The following THSD7B variants were observed in gnomAD, a reference collection of about 807,000 sequenced individuals.
THSD7B encodes the protein thrombospondin type-1 domain-containing protein 7B.
THSD7B carries 138 observed loss-of-function variants against 213.6 expected under a neutral mutation model. The observed-to-expected ratio is 0.65, with a 90% confidence interval of 0.56 to 0.74. The LOEUF is 0.74. Among genes scored for constraint, THSD7B ranks in the 30% least tolerant of loss-of-function variants. The pLI, the probability that THSD7B is intolerant of heterozygous loss-of-function variation, is 0.00. For missense variants in THSD7B, 1,931 were observed against 1,991.5 expected, an observed-to-expected ratio of 0.97 and a Z score of 0.58; for synonymous variants, 742 against 687.0, an observed-to-expected ratio of 1.08 and a Z score of -1.25.
chr2:136,976,714 C>T (rs529494793), intron 2 of THSD7B, among the ~76,000 whole-genome samples: 1 of 152,104 alleles, frequency 6.6e-6, no homozygotes, highest in African/African-American at 2.4e-5. Context: ...CTCCGCCTCC[C>T]AGGTTCACGC....
At chr2:137,148,316 A>T (rs1961892) in intron 5 of THSD7B, among the ~76,000 whole-genome samples, 113,873 of 151,972 alleles carry the variant, frequency 0.75, 42,836 homozygotes, top group African/African-American at 0.77. Context: ...CCTCTTTCCT[A>T]TATAAATTAC....
At chr2:136,864,165 A>C (rs139824822) in intron 1 of THSD7B, among the ~76,000 whole-genome samples, 47 of 152,346 alleles carry the variant, frequency 3.1e-4, no homozygotes, top group Middle Eastern at 3.4e-3. Flanking sequence ...AAATCCACAC[A>C]GTTCAGTGAA....
intron 24 of THSD7B, among the ~76,000 whole-genome samples, chr2:137,658,511 T>C (rs760698542): frequency 1.3e-5 from 2 of 152,210 alleles, no homozygotes; most frequent in Non-Finnish European, 2.9e-5. Context: ...TTTTCTTTCC[T>C]ATTCCCAAGA....
At chr2:137,317,505 T>C (rs930160289) in intron 12 of THSD7B, among the ~76,000 whole-genome samples, 1 of 152,200 alleles carries the variant, frequency 6.6e-6, no homozygotes, top group African/African-American at 2.4e-5. Flanking sequence ...TCTAATCAAA[T>C]TATCTTATAG....
At chr2:137,333,216 G>A (rs950925875) in intron 12 of THSD7B, among the ~76,000 whole-genome samples, 5 of 152,076 alleles carry the variant, frequency 3.3e-5, no homozygotes, top group African/African-American at 1.2e-4. Flanking sequence ...AGCAGGTTCC[G>A]ATACATCTAC....
chr2:137,364,903 A>T (rs548446184), intron 12 of THSD7B, among the ~76,000 whole-genome samples: 2 of 152,334 alleles, frequency 1.3e-5, no homozygotes, highest in Admixed American at 6.5e-5. Flanking sequence ...TAAAGTTCAC[A>T]TGGAACCAAA....
chr2:137,178,465 TAAG>T (rs1026996747), intron 7 of THSD7B, among the ~76,000 whole-genome samples: 3 of 152,224 alleles, frequency 2.0e-5, no homozygotes, highest in African/African-American at 7.2e-5. Context: ...GAAGTGTCAA[TAAG>T]ATCAGGCTGT....
intron 2 of THSD7B, among the ~76,000 whole-genome samples, chr2:136,980,391 A>G (rs1302948503): frequency 6.6e-6 from 1 of 152,174 alleles, no homozygotes; most frequent in East Asian, 1.9e-4. Context: ...CCCCCTCCCA[A>G]CAGGGGCTCC....
In THSD7B at chr2:137,528,031, T is replaced by G. The variant is rs1473017172; in HGVS notation, c.3139-35190T>G. ...TGCTTCAATCAGCTGGGCTTGAGTT[T>G]TTGTCACTTACAATAGAAATAACAT... On this transcript the variant is annotated intron_variant, in intron 15 of 27. Transcript: ENST00000409968. Among the ~76,000 whole-genome samples the G allele has an allele frequency of 2.0e-5, 3 of 152,246 alleles. No homozygotes were observed. The East Asian group carries it at 5.8e-4, about 29-fold the overall frequency.
intron 10 of THSD7B, among the ~76,000 whole-genome samples, chr2:137,248,269 A>G (rs184162229): frequency 1.4e-4 from 21 of 152,292 alleles, no homozygotes; most frequent in South Asian, 2.1e-4. Context: ...TAAGTCCTCT[A>G]CATGCTGGTA....
At chr2:136,923,733 G>GGTT (rs1684475400) in intron 2 of THSD7B, among the ~76,000 whole-genome samples, 1 of 152,076 alleles carries the variant, frequency 6.6e-6, no homozygotes, top group Non-Finnish European at 1.5e-5. Flanking sequence ...TCCTGTGTTT[G>GGTT]TTGGCTATTC....
intron 17 of THSD7B, among the ~76,000 whole-genome samples, chr2:137,615,073 G>A (rs1262016182): frequency 6.6e-6 from 1 of 152,084 alleles, no homozygotes; most frequent in Non-Finnish European, 1.5e-5. Flanking sequence ...ATGTTTAATG[G>A]TATTTGTTGA....
At chr2:137,311,691 A>C (rs1002134426) in intron 12 of THSD7B, among the ~76,000 whole-genome samples, 1 of 151,780 alleles carries the variant, frequency 6.6e-6, no homozygotes, top group African/African-American at 2.4e-5. Context: ...TCAATACCTA[A>C]TTTATTGAGA....
chr2:137,566,332 A>C (rs1297507860), intron 16 of THSD7B, among the ~76,000 whole-genome samples: 4 of 152,220 alleles, frequency 2.6e-5, no homozygotes, highest in Admixed American at 6.5e-5. Flanking sequence ...CTGAAGCACC[A>C]GGTTTTTGCA....
intron 5 of THSD7B, among the ~76,000 whole-genome samples, chr2:137,117,364 A>T (rs1252710726): frequency 6.6e-6 from 1 of 152,188 alleles, no homozygotes; most frequent in Non-Finnish European, 1.5e-5. Flanking sequence ...GTATTTGCCC[A>T]GTGAAGTAAG....
intron 15 of THSD7B, among the ~76,000 whole-genome samples, chr2:137,562,455 T>TA (rs1029346194): frequency 2.6e-5 from 4 of 152,064 alleles, no homozygotes; most frequent in South Asian, 2.1e-4. Context: ...CAATTTCAGT[T>TA]AAAAAAAATC....
At chr2:137,389,058 T>C (rs1264775276) in intron 12 of THSD7B, among the ~76,000 whole-genome samples, 1 of 151,616 alleles carries the variant, frequency 6.6e-6, no homozygotes, top group Non-Finnish European at 1.5e-5. Context: ...CTGGGTCATA[T>C]AGTAATTCTA....
chr2:137,355,113 T>G (rs1308763162), intron 12 of THSD7B, among the ~76,000 whole-genome samples: 2 of 152,178 alleles, frequency 1.3e-5, no homozygotes, highest in Non-Finnish European at 2.9e-5. Flanking sequence ...GAAGTAATCA[T>G]GAATGAATAT....
chr2:137,101,934 C>T (rs564804241), intron 4 of THSD7B, among the ~76,000 whole-genome samples: 2 of 152,322 alleles, frequency 1.3e-5, no homozygotes, highest in Non-Finnish European at 2.9e-5. Context: ...GGACAGAGCA[C>T]CTGGGGGAAG....
Sources: allele counts gnomAD v4.1 joint callset (sites outside exome capture counted in the v4.1 genomes callset), GRCh38; gene constraint gnomAD v4.1.1; transcripts MANE v1.5; gene names NCBI Gene and HGNC (gene_info 2026-07-23, HGNC 2026-07-21).